The following PARP12 variants were observed in gnomAD, a reference collection of about 807,000 sequenced individuals.
PARP12 encodes poly(ADP-ribose) polymerase family member 12.
PARP12 carries 59 observed loss-of-function variants against 72.4 expected under a neutral mutation model. The ratio of observed to expected loss-of-function variants is 0.81; its 90% CI spans 0.66 to 1.01. The LOEUF is 1.01. Ranked by LOEUF, PARP12 falls within the 50% of genes least tolerant of loss-of-function variation. PARP12 has a pLI of 0.00. For missense variants in PARP12, 851 were observed against 914.0 expected (o/e 0.93, Z 0.89); for synonymous variants, 403 against 371.4 (o/e 1.09, Z -0.98).
intron 1 of PARP12, among the ~76,000 whole-genome samples, chr7:140,058,603 T>A (rs1817296944): frequency 6.6e-6 from 1 of 151,928 alleles, no homozygotes; most frequent in African/African-American, 2.4e-5. Flanking sequence ...GAGAGGGGCC[T>A]CAGAAGAAAT....
rs535518613 is a variant in PARP12 at position 140,026,993 on chromosome 7, C to A, written c.1628+283G>T. ...TGTACTGACCCATCCCACTGGTCTC[C>A]AGGAAGGCAGAATGGACAAGTGAGA... On this transcript the variant is annotated intron_variant, in intron 10 of 11. Transcript: ENST00000263549. Among the ~76,000 whole-genome samples the A allele has an allele frequency of 2.6e-5, 4 of 152,298 alleles. No homozygotes were observed. The East Asian group carries it at 5.8e-4, about 22-fold the overall frequency.
At chr7:140,034,057 C>T (rs1167698173) in intron 8 of PARP12, 178 bp downstream of exon 8, 1 of 1,278,858 alleles carries the variant, frequency 7.8e-7, no homozygotes, top group Admixed American at 3.7e-5. Flanking sequence ...CTTCTACCCA[C>T]AGGGTAATTC....
intron 9 of PARP12, chr7:140,027,646 T>C (rs1569526377): frequency 2.8e-6 from 1 of 354,580 alleles, no homozygotes; most frequent in Non-Finnish European, 5.4e-6. Context: ...TTATGTCAGT[T>C]AGCATATGGG....
intron 8 of PARP12, chr7:140,033,729 G>T: frequency 1.0e-6 from 1 of 989,800 alleles, no homozygotes; most frequent in Non-Finnish European, 1.2e-6. Flanking sequence ...GGCTAACCTG[G>T]TGGCTCCTGG....
Position 140,034,260 on chromosome 7 carries a change from G to A in PARP12, c.1396C>T (p.Gln466Ter), listed in dbSNP as rs1816061598. 2 of 1,613,118 alleles carry A rather than the reference G, an allele frequency of 1.2e-6. No homozygotes were observed. The highest frequency in any genetic ancestry group is 1.7e-6 in the Non-Finnish European group (2 of 1,179,446). Residue 466 changes from glutamine to a stop codon, truncating the protein, a stop_gained, in exon 8 of 12, where the codon CAG becomes TAG. Transcript: ENST00000263549. LOFTEE classifies it high-confidence loss of function. ...VCRRPKYVSP[Q>*]DVTTMQTCNT... The stretch of plus-strand genomic sequence containing the variant: ...CAGGTTTGCATGGTCGTCACATCCT[G>A]GGGAGACACGTATTTGGGTCTGCGG...
At position 140,037,714 on chromosome 7, in the gene PARP12, C is replaced by T. The variant is rs866205187; in HGVS notation, c.1324+1G>A. On this transcript the variant is annotated splice_donor_variant, in intron 7 of 11. Coordinates refer to ENST00000263549, the MANE Select transcript of PARP12 (RefSeq NM_022750.4). LOFTEE classifies it high-confidence loss of function. ...CTGGGCGAGGGCAGGGCACAGGATA[C>T]CTTTGAAATCTAACTCGTAGTTGTG... 6.2e-7 allele frequency: 1 copy of T among 1,613,972 alleles called. No individual in the cohort carries two copies. The highest frequency in any genetic ancestry group is 8.5e-7 in the Non-Finnish European group (1 of 1,179,898).
At position 140,024,447 on chromosome 7, in the gene PARP12, G is replaced by T; in HGVS notation, c.*113C>A. 1.8e-6 allele frequency: 2 copies of T among 1,101,158 alleles called. No individual in the cohort carries two copies. Among genetic ancestry groups the T allele is most frequent in the Non-Finnish European group, 2.7e-6 (2 of 740,628 alleles). The allele number at this position is 1,101,158 out of a possible 1,614,324, so 68.2% of individuals were successfully genotyped here. A position where few individuals can be genotyped will look rare whatever the true frequency, so the allele number is the denominator to read the frequency against. ...GATTAAGAACATAACTTCATTGAGA[G>T]GTCAATGTTAAGAGAACAGTTCATT... On this transcript the variant is annotated 3_prime_UTR_variant, in exon 12 of 12. Coordinates refer to ENST00000263549, the MANE Select transcript of PARP12 (RefSeq NM_022750.4).
chr7:140,051,554 C>A (rs1816962519), intron 4 of PARP12, among the ~76,000 whole-genome samples: 1 of 152,094 alleles, frequency 6.6e-6, no homozygotes. Context: ...CCACACCCAG[C>A]TAATTTTTGT....
chr7:140,058,277 C>T lies in PARP12; in HGVS notation c.327-243G>A, dbSNP rs372917902. ...CCGTAATCCCAGCACTTTGGGAGGC[C>T]GAGGCAGGAGGATCACGAGGTCAGG... On this transcript the variant is annotated intron_variant, in intron 1 of 11. Transcript: ENST00000263549. Among the ~76,000 whole-genome samples the T allele has an allele frequency of 8.5e-5, 13 of 152,074 alleles. 1 individual carries two copies. In the East Asian group the frequency reaches 1.9e-3, roughly 23 times the overall value.
At chr7:140,057,792 C>T (rs1817248240) in intron 2 of PARP12, 107 bp downstream of exon 2, 2 of 1,466,278 alleles carry the variant, frequency 1.4e-6, no homozygotes, top group South Asian at 2.7e-5. Context: ...GGAAACCAGA[C>T]CAGAGATCAC....
At chr7:140,046,798 CAG>C in intron 5 of PARP12, 84 bp downstream of exon 5, 5 of 778,040 alleles carry the variant, frequency 6.4e-6, no homozygotes, top group Non-Finnish European at 5.1e-6. Context: ...AGGCTGCTCA[CAG>C]TGTGTGTGTG....
At position 140,062,755 on chromosome 7, in the gene PARP12, C is replaced by T; in HGVS notation, c.93G>A (p.Arg31=). ...LELPELRRRL[R]MGLSADALER... is the part of the protein sequence containing the mutation. ...CCAGCGCGTCGGCGCTCAAGCCCAT[C>T]CGCAAGCGGCGCCGCAGCTCGGGCA... The change falls in exon 1 of 12, where the codon CGG becomes CGA. Residue 31 remains arginine, a synonymous_variant. Coordinates refer to ENST00000263549, the MANE Select transcript of PARP12 (RefSeq NM_022750.4). The T allele has an allele frequency of 7.2e-7, 1 of 1,386,944 alleles. No homozygotes were observed. Among genetic ancestry groups the T allele is most frequent in the Non-Finnish European group, 9.4e-7 (1 of 1,064,954 alleles). The allele number at this position is 1,386,944 out of a possible 1,614,324, so 85.9% of individuals were successfully genotyped here. A position where few individuals can be genotyped will look rare whatever the true frequency, so the allele number is the denominator to read the frequency against.
At chr7:140,027,431 G>C (rs767021123) in intron 9 of PARP12, 25 bp from the exon 10 acceptor site, 8 of 1,611,552 alleles carry the variant, frequency 5.0e-6, no homozygotes, top group Non-Finnish European at 5.9e-6. Context: ...TGTTTTTAAT[G>C]CATTACCATC....
intron 2 of PARP12, 136 bp from the exon 3 acceptor site, chr7:140,057,289 A>C: frequency 1.2e-6 from 1 of 841,768 alleles, no homozygotes; most frequent in Non-Finnish European, 1.9e-6. Flanking sequence ...CAGCTATTAC[A>C]TCCCTCACTC....
rs1162050396 is a variant in PARP12, at chr7:140,062,693, G to A, written c.155C>T (p.Ala52Val). 91 of 1,304,602 alleles carry A rather than the reference G, an allele frequency of 7.0e-5. No individual in the cohort carries two copies. The highest frequency in any genetic ancestry group is 7.4e-5 in the Non-Finnish European group (76 of 1,023,682). 80.8% of individuals were successfully genotyped at this position (1,304,602 alleles called of 1,614,324 possible). Residue 52 changes from alanine to valine, a missense_variant, in exon 1 of 12, where the codon GCG becomes GTG. Physicochemically the swap from Ala to Val is moderately conservative, Grantham distance 64. Coordinates refer to ENST00000263549, the MANE Select transcript of PARP12 (RefSeq NM_022750.4). ...CGCGGCTGCGCCGCCCGCCCGCACC[G>A]CCACCACGAAGCGCCCACGCTGCCG... Reference protein sequence around the residue: ...LLRQRGRFVVAVRAGGAAAAP... With the variant: ...LLRQRGRFVVVVRAGGAAAAP...
At chr7:140,045,409 C>T (rs1005671561) in intron 5 of PARP12, among the ~76,000 whole-genome samples, 16 of 152,176 alleles carry the variant, frequency 1.1e-4, no homozygotes, top group African/African-American at 3.6e-4. Flanking sequence ...AACCTTGTGA[C>T]GTAGAAACTA....
intron 11 of PARP12, 107 bp from the exon 12 acceptor site, chr7:140,024,992 T>C (rs781678548): frequency 2.0e-6 from 2 of 985,854 alleles, no homozygotes; most frequent in Non-Finnish European, 3.0e-6. Context: ...GCCTCTACTC[T>C]TCCACCCCGC....
intron 11 of PARP12, 82 bp from the exon 12 acceptor site, chr7:140,024,967 A>T: frequency 1.5e-6 from 2 of 1,291,986 alleles, no homozygotes; most frequent in Non-Finnish European, 2.2e-6. Flanking sequence ...CGTCCTGGTG[A>T]TGTGCAACGC....
chr7:140,026,115 C>A (rs1815727761), intron 11 of PARP12, 82 bp downstream of exon 11: 1 of 1,602,794 alleles, frequency 6.2e-7, no homozygotes, highest in Admixed American at 1.7e-5. Context: ...TCAGGCTGGT[C>A]CCCTCATGCC....
Sources: gnomAD v4.1 joint callset for allele counts (sites outside exome capture counted in the v4.1 genomes callset) on GRCh38, gnomAD v4.1.1 for gene constraint, MANE v1.5 for transcripts, NCBI Gene and HGNC (gene_info 2026-07-23, HGNC 2026-07-21) for gene names.